Variants in PRKG1 observed in about 807,000 individuals in gnomAD.
PRKG1 encodes cGMP-dependent protein kinase 1.
Under a neutral mutation model 88.1 loss-of-function variants are expected in PRKG1, and 35 were observed. The observed-to-expected ratio is 0.40, with a 90% CI of 0.30 to 0.53. The LOEUF (loss-of-function observed/expected upper bound fraction) is 0.53. PRKG1 is among the 20% of genes least tolerant of loss of function. PRKG1 has a pLI of 0.59. For missense variants in PRKG1, 540 were observed against 839.8 expected (o/e 0.64, Z 4.41); for synonymous variants, 303 against 292.5 (o/e 1.04, Z -0.37).
At chr10:51,123,118 T>C (rs1368516846) in intron 1 of PRKG1, among the ~76,000 whole-genome samples, 1 of 152,182 alleles carries the variant, frequency 6.6e-6, no homozygotes, top group African/African-American at 2.4e-5. Flanking sequence ...GCATTCTCCC[T>C]CTGCAATGAA....
intron 3 of PRKG1, among the ~76,000 whole-genome samples, chr10:51,795,259 C>T (rs1488479179): frequency 6.6e-6 from 1 of 151,980 alleles, no homozygotes; most frequent in Non-Finnish European, 1.5e-5. Context: ...TACAGGGCAG[C>T]CCACTCCCTT....
chr10:51,578,900 G>A (rs1837955189), intron 3 of PRKG1, among the ~76,000 whole-genome samples: 1 of 145,954 alleles, frequency 6.9e-6, no homozygotes, highest in Middle Eastern at 3.6e-3. Flanking sequence ...TCAGTTTTGT[G>A]TTGTGAACTT....
intron 7 of PRKG1, among the ~76,000 whole-genome samples, chr10:52,120,363 C>A (rs1847791762): frequency 6.6e-6 from 1 of 152,042 alleles, no homozygotes; most frequent in Admixed American, 6.5e-5. Flanking sequence ...CCCAATAGCC[C>A]CCAAAGTTTT....
At chr10:52,161,633 G>T (rs915683852) in intron 8 of PRKG1, among the ~76,000 whole-genome samples, 37 of 152,046 alleles carry the variant, frequency 2.4e-4, no homozygotes, top group African/African-American at 8.2e-4. Context: ...ATCTGCTTTT[G>T]CCAGATATGG....
At chr10:52,204,107 T>C (rs1284272512) in intron 9 of PRKG1, among the ~76,000 whole-genome samples, 1 of 30,794 alleles carries the variant, frequency 3.2e-5, no homozygotes, top group Non-Finnish European at 1.2e-4. Flanking sequence ...ATTATTATTA[T>C]TTTTTGTTTT....
chr10:51,608,257 A>G (rs1838816925), intron 3 of PRKG1, among the ~76,000 whole-genome samples: 1 of 152,158 alleles, frequency 6.6e-6, no homozygotes, highest in Admixed American at 6.5e-5. Flanking sequence ...GAAGCTGAGG[A>G]AGAGGTTTGA....
chr10:51,721,543 A>G (rs1344778306), intron 3 of PRKG1, among the ~76,000 whole-genome samples: 2 of 152,210 alleles, frequency 1.3e-5, no homozygotes, highest in African/African-American at 4.8e-5. Context: ...TCACCACAGT[A>G]AACCGAACAG....
intron 5 of PRKG1, among the ~76,000 whole-genome samples, chr10:52,008,159 C>G (rs868486736): frequency 6.6e-6 from 1 of 152,078 alleles, no homozygotes; most frequent in Non-Finnish European, 1.5e-5. Context: ...GTACTAAACA[C>G]CCATATCAAA....
intron 7 of PRKG1, among the ~76,000 whole-genome samples, chr10:52,072,119 T>C (rs1024065721): frequency 1.3e-5 from 2 of 148,338 alleles, no homozygotes; most frequent in African/African-American, 2.5e-5. Flanking sequence ...GGGACCCTTC[T>C]CTTTCCAGCA....
intron 2 of PRKG1, among the ~76,000 whole-genome samples, chr10:51,198,354 A>G (rs1311403518): frequency 6.6e-6 from 1 of 152,210 alleles, no homozygotes; most frequent in Non-Finnish European, 1.5e-5. Context: ...CTAGTGGTCT[A>G]AGGGAAGATA....
intron 2 of PRKG1, among the ~76,000 whole-genome samples, chr10:51,432,375 G>A (rs2132727742): frequency 6.6e-6 from 1 of 151,710 alleles, no homozygotes; most frequent in South Asian, 2.1e-4. Flanking sequence ...TTTAGACAAG[G>A]GCATAAATTC....
rs141492033 is a variant in PRKG1 at position 51,701,389 on chromosome 10, T to C, written c.593-103196T>C. The stretch of plus-strand genomic sequence containing the variant: ...GGTTTAGCTGCAAATAAGACATCCA[T>C]TTACCTTCAAGTTTTTGAAACAGTT... On this transcript the variant is annotated intron_variant, in intron 3 of 17. Coordinates refer to ENST00000373980, the MANE Select transcript of PRKG1 (RefSeq NM_006258.4). 2.2e-3 allele frequency among the ~76,000 whole-genome samples: 335 copies of C among 152,340 alleles called. 3 individuals are homozygous for C. Among genetic ancestry groups the C allele is most frequent in the Non-Finnish European group, 4.0e-3 (272 of 68,028 alleles).
intron 4 of PRKG1, among the ~76,000 whole-genome samples, chr10:51,816,084 ATAAT>A (rs1839577012): frequency 6.6e-6 from 1 of 152,238 alleles, no homozygotes; most frequent in Non-Finnish European, 1.5e-5. Flanking sequence ...AAAGTTAATC[ATAAT>A]TTATTTACCA....
intron 1 of PRKG1, among the ~76,000 whole-genome samples, chr10:51,052,932 G>A (rs1391774792): frequency 1.3e-5 from 2 of 152,090 alleles, no homozygotes; most frequent in African/African-American, 4.8e-5. Context: ...ATAAAATGTA[G>A]ATTTAAAAAA....
chr10:52,013,861 T>A (rs1364124769), intron 5 of PRKG1, among the ~76,000 whole-genome samples: 5 of 152,202 alleles, frequency 3.3e-5, no homozygotes, highest in Admixed American at 3.3e-4. Flanking sequence ...CTTTCCTCTT[T>A]ACTCACCTCT....
chr10:51,631,755 TGATCTGAC>T (rs1269564132), intron 3 of PRKG1, among the ~76,000 whole-genome samples: 1 of 152,230 alleles, frequency 6.6e-6, no homozygotes, highest in African/African-American at 2.4e-5. Context: ...ATGCTGCTGC[TGATCTGAC>T]AGGAGGTGGA....
chr10:51,953,101 A>C (rs1215509204), intron 5 of PRKG1, among the ~76,000 whole-genome samples: 1 of 152,206 alleles, frequency 6.6e-6, no homozygotes, highest in Non-Finnish European at 1.5e-5. Context: ...AGCAATCAAG[A>C]GTTTATTTTC....
intron 5 of PRKG1, among the ~76,000 whole-genome samples, chr10:52,040,081 G>A (rs1845718699): frequency 6.6e-6 from 1 of 152,114 alleles, no homozygotes; most frequent in Non-Finnish European, 1.5e-5. Flanking sequence ...TTGACCTCAA[G>A]CACTCAAGAT....
chr10:51,666,499 T>G (rs539820914), intron 3 of PRKG1, among the ~76,000 whole-genome samples: 9 of 152,232 alleles, frequency 5.9e-5, no homozygotes, highest in African/African-American at 2.2e-4. Flanking sequence ...TATTCCATTA[T>G]GCTTAATTTA....
Sources: gnomAD v4.1 joint callset for allele counts (sites outside exome capture counted in the v4.1 genomes callset) on GRCh38, gnomAD v4.1.1 for gene constraint, MANE v1.5 for transcripts, NCBI Gene and HGNC (gene_info 2026-07-23, HGNC 2026-07-21) for gene names.